Variants in SPATA16 observed in about 807,000 individuals in gnomAD.
The protein encoded by SPATA16 is spermatogenesis associated 16.
Under a neutral mutation model 63.3 loss-of-function variants are expected in SPATA16, and 36 were observed. The ratio of observed to expected loss-of-function variants is 0.57; its 90% confidence interval spans 0.44 to 0.75. The LOEUF (loss-of-function observed/expected upper bound fraction) is 0.75, where lower values mean the gene tolerates loss of function less well. Ranked by LOEUF, SPATA16 falls within the 30% of genes least tolerant of loss-of-function variation. The probability of loss-of-function intolerance (pLI) is 0.00; values close to 1 mark genes in which losing one functional copy is unlikely to be tolerated. For synonymous variants in SPATA16, 203 were observed against 216.7 expected (o/e 0.94, Z 0.56); for missense variants, 646 against 679.3 (o/e 0.95, Z 0.54).
At chr3:173,120,100 A>AG (rs537198142) in intron 1 of SPATA16, among the ~76,000 whole-genome samples, 97 of 148,238 alleles carry the variant, frequency 6.5e-4, no homozygotes, top group Admixed American at 2.2e-3. Flanking sequence ...AAAAAAAAAA[A>AG]AGAGAGAGAA....
intron 5 of SPATA16, among the ~76,000 whole-genome samples, chr3:172,974,336 C>A (rs1289853044): frequency 6.6e-6 from 1 of 151,894 alleles, no homozygotes; most frequent in African/African-American, 2.4e-5. Flanking sequence ...ATCTATTTAA[C>A]CTTAATGGAT....
At chr3:172,895,153 A>G (rs975241771) in intron 10 of SPATA16, among the ~76,000 whole-genome samples, 1 of 152,232 alleles carries the variant, frequency 6.6e-6, no homozygotes, top group African/African-American at 2.4e-5. Flanking sequence ...GTCAATGGTA[A>G]TATCTTGCAA....
intron 3 of SPATA16, among the ~76,000 whole-genome samples, chr3:173,022,961 C>G (rs1157194103): frequency 6.6e-6 from 1 of 152,052 alleles, no homozygotes; most frequent in Non-Finnish European, 1.5e-5. Flanking sequence ...TCCATTGATT[C>G]ACCCCTTTCT....
chr3:172,917,161 C>T (rs780362696), intron 8 of SPATA16, among the ~76,000 whole-genome samples: 15 of 152,052 alleles, frequency 9.9e-5, no homozygotes, highest in East Asian at 1.9e-4. Flanking sequence ...TAAGATGGGG[C>T]GCATTTAGAA....
intron 10 of SPATA16, among the ~76,000 whole-genome samples, chr3:172,897,398 A>G (rs1432901694): frequency 6.6e-6 from 1 of 152,122 alleles, no homozygotes; most frequent in African/African-American, 2.4e-5. Flanking sequence ...TTTGATGTCT[A>G]TATTATGTGA....
intron 10 of SPATA16, among the ~76,000 whole-genome samples, chr3:172,904,783 G>A (rs1404620548): frequency 6.6e-6 from 1 of 152,298 alleles, no homozygotes; most frequent in South Asian, 2.1e-4. Flanking sequence ...CAAGGCTTTC[G>A]GCTCTCTCCA....
intron 1 of SPATA16, among the ~76,000 whole-genome samples, chr3:173,139,377 A>G (rs973670593): frequency 6.6e-6 from 1 of 152,190 alleles, no homozygotes; most frequent in African/African-American, 2.4e-5. Flanking sequence ...ATTTTATTTT[A>G]TAACATCCCT....
chr3:172,977,123 A>C, intron 4 of SPATA16, 71 bp from the exon 5 acceptor site: 2 of 1,206,444 alleles, frequency 1.7e-6, no homozygotes, highest in Non-Finnish European at 2.4e-6. Context: ...CATAACAGGC[A>C]CTATATACAA....
At chr3:172,979,744 C>G (rs920311058) in intron 4 of SPATA16, among the ~76,000 whole-genome samples, 1 of 152,028 alleles carries the variant, frequency 6.6e-6, no homozygotes, top group Non-Finnish European at 1.5e-5. Context: ...TTTAAAGGAA[C>G]ACAGCTCTCC....
At chr3:173,040,388 A>T (rs944700046) in intron 3 of SPATA16, among the ~76,000 whole-genome samples, 3 of 152,136 alleles carry the variant, frequency 2.0e-5, no homozygotes, top group African/African-American at 7.2e-5. Flanking sequence ...CACAAAGAAA[A>T]GGGAGGATTT....
At chr3:172,898,326 C>T (rs1305090219) in intron 10 of SPATA16, among the ~76,000 whole-genome samples, 1 of 151,862 alleles carries the variant, frequency 6.6e-6, no homozygotes, top group African/African-American at 2.4e-5. Context: ...GGTGTTAATT[C>T]TTTAAATGTG....
chr3:172,991,390 A>G (rs1734574336), intron 4 of SPATA16, among the ~76,000 whole-genome samples: 1 of 152,186 alleles, frequency 6.6e-6, no homozygotes, highest in South Asian at 2.1e-4. Context: ...AGCTGATTAT[A>G]TAATAGGCTG....
intron 6 of SPATA16, among the ~76,000 whole-genome samples, chr3:172,932,788 T>C (rs573418009): frequency 6.6e-6 from 1 of 152,280 alleles, no homozygotes; most frequent in Non-Finnish European, 1.5e-5. Context: ...TAATAAATTG[T>C]ACAATAAATT....
At chr3:173,127,206 G>T (rs1476910066) in intron 1 of SPATA16, among the ~76,000 whole-genome samples, 1 of 152,018 alleles carries the variant, frequency 6.6e-6, no homozygotes, top group Non-Finnish European at 1.5e-5. Flanking sequence ...AAATATGTAG[G>T]CACACACATA....
At chr3:172,976,372 T>G (rs915113831) in intron 5 of SPATA16, among the ~76,000 whole-genome samples, 1 of 152,118 alleles carries the variant, frequency 6.6e-6, no homozygotes. Context: ...AAGAACAGAT[T>G]CATGTCTTAT....
intron 2 of SPATA16, among the ~76,000 whole-genome samples, chr3:173,094,588 C>G (rs1477683047): frequency 6.6e-6 from 1 of 151,378 alleles, no homozygotes; most frequent in Non-Finnish European, 1.5e-5. Context: ...GTATCTTTAT[C>G]TTCAGGTATT....
At chr3:172,979,040 A>C (rs1431811602) in intron 4 of SPATA16, among the ~76,000 whole-genome samples, 1 of 152,172 alleles carries the variant, frequency 6.6e-6, no homozygotes, top group African/African-American at 2.4e-5. Context: ...GATCGAGACC[A>C]TCCTGGCTAA....
chr3:173,037,427 A>G (rs1169685357), intron 3 of SPATA16, among the ~76,000 whole-genome samples: 3 of 152,096 alleles, frequency 2.0e-5, no homozygotes, highest in South Asian at 2.1e-4. Context: ...AGTGAAGTAT[A>G]TATTTCTTTC....
intron 3 of SPATA16, among the ~76,000 whole-genome samples, chr3:173,038,557 TCA>T (rs912507356): frequency 5.3e-5 from 8 of 152,204 alleles, no homozygotes; most frequent in African/African-American, 1.9e-4. Flanking sequence ...CTTACCTATT[TCA>T]GTTTTTCACC....
Sources: gnomAD v4.1 joint callset for allele counts (sites outside exome capture counted in the v4.1 genomes callset) on GRCh38, gnomAD v4.1.1 for gene constraint, MANE v1.5 for transcripts, NCBI Gene and HGNC (gene_info 2026-07-23, HGNC 2026-07-21) for gene names.